The following TNFSF18 variants were observed in gnomAD, a reference collection of about 807,000 sequenced individuals.
TNFSF18 encodes TNF superfamily member 18.
In TNFSF18, 6 loss-of-function variants were observed where a neutral mutation model predicts 9.6. That is an observed-to-expected ratio of 0.63 (90% confidence interval 0.34 to 1.24). The LOEUF (loss-of-function observed/expected upper bound fraction) is 1.24. Ranked by LOEUF, TNFSF18 falls within the 50% of genes most tolerant of loss-of-function variation. The pLI is 0.03. For missense variants in TNFSF18, 210 were observed against 201.0 expected (o/e 1.04, Z -0.27); for synonymous variants, 68 against 71.7 (o/e 0.95, Z 0.26).
chr1:173,046,561 G>A (rs991410912), intron 1 of TNFSF18, among the ~76,000 whole-genome samples: 10 of 151,952 alleles, frequency 6.6e-5, no homozygotes, highest in Non-Finnish European at 1.3e-4. Context: ...CATTCACCAC[G>A]TTATTAAAAT....
At chr1:173,047,976 G>A (rs1467347199) in intron 1 of TNFSF18, among the ~76,000 whole-genome samples, 1 of 151,960 alleles carries the variant, frequency 6.6e-6, no homozygotes. Flanking sequence ...ATAGTAATGG[G>A]GCAAATATTA....
intron 1 of TNFSF18, 145 bp from the exon 2 acceptor site, chr1:173,044,114 C>A (rs1665034218): frequency 2.7e-6 from 2 of 744,572 alleles, no homozygotes; most frequent in Non-Finnish European, 2.3e-6. Flanking sequence ...CATGTCTCAG[C>A]CCTCTCAGCC....
intron 1 of TNFSF18, among the ~76,000 whole-genome samples, chr1:173,046,225 A>G (rs1339389678): frequency 6.6e-6 from 1 of 152,204 alleles, no homozygotes; most frequent in Non-Finnish European, 1.5e-5. Flanking sequence ...TCCATAGTCG[A>G]GCTTTTGTCA....
At chr1:173,050,420 CTTT>C (rs1270255247) in intron 1 of TNFSF18, among the ~76,000 whole-genome samples, 1 of 151,446 alleles carries the variant, frequency 6.6e-6, no homozygotes, top group Non-Finnish European at 1.5e-5. Context: ...ATATTTTTAC[CTTT>C]TTTATTCCAC....
chr1:173,045,124 G>A (rs548875314), intron 1 of TNFSF18, among the ~76,000 whole-genome samples: 5 of 152,282 alleles, frequency 3.3e-5, no homozygotes, highest in Admixed American at 1.3e-4. Context: ...CAAGCAGGCT[G>A]AAATTTAAGG....
Position 173,040,881 on chromosome 1 carries a change from G to C in TNFSF18, c.*486C>G, listed in dbSNP as rs1293568199. On this transcript the variant is annotated 3_prime_UTR_variant, in exon 3 of 3. Transcript: ENST00000404377. ...ATCTTCTAACACCACCATATCTAAA[G>C]TAGGGTATGGTAGGCATATCTGTGG... The C allele has an allele frequency of 1.3e-5, 2 of 152,662 alleles. No homozygotes were observed. Among genetic ancestry groups the C allele is most frequent in the Non-Finnish European group, 2.9e-5 (2 of 68,500 alleles). The allele number at this position is 152,662 out of a possible 1,614,324, so 9.5% of individuals were successfully genotyped here.
In TNFSF18 at chr1:173,040,195, G is replaced by A. The variant is rs1664967467; in HGVS notation, c.*1172C>T. The A allele has an allele frequency of 1.3e-5, 2 of 151,408 alleles. No individual in the cohort carries two copies. Among genetic ancestry groups the A allele is most frequent in the African/African-American group, 4.9e-5 (2 of 41,122 alleles). 9.4% of individuals were successfully genotyped at this position (151,408 alleles called of 1,614,324 possible). ...ATTTGGTTGGGATAAGGCCTGAACA[G>A]CATCCTGGATCTCCCTGATTCAGGC... On this transcript the variant is annotated 3_prime_UTR_variant, in exon 3 of 3. Coordinates refer to ENST00000404377, the MANE Select transcript of TNFSF18 (RefSeq NM_005092.4).
chr1:173,045,384 T>G (rs1395934338), intron 1 of TNFSF18, among the ~76,000 whole-genome samples: 1 of 152,198 alleles, frequency 6.6e-6, no homozygotes, highest in East Asian at 1.9e-4. Flanking sequence ...GGACGAGTGA[T>G]CAGCTGGTGT....
intron 1 of TNFSF18, among the ~76,000 whole-genome samples, chr1:173,045,066 G>A (rs1290720073): frequency 6.6e-6 from 1 of 152,194 alleles, no homozygotes; most frequent in Non-Finnish European, 1.5e-5. Context: ...GAGTTTGGTT[G>A]TGGACATATT....
At chr1:173,043,879 A>C (rs1363007037) in intron 2 of TNFSF18, 60 bp downstream of exon 2, 6 of 1,405,696 alleles carry the variant, frequency 4.3e-6, no homozygotes, top group Non-Finnish European at 6.1e-6. Flanking sequence ...GATCACTGAC[A>C]CCTGCCTTCT....
rs900565270 is a variant in TNFSF18 at position 173,040,493 on chromosome 1, C to T, written c.*874G>A. 1 of 152,146 alleles carries T rather than the reference C, an allele frequency of 6.6e-6. No individual in the cohort carries two copies. The highest frequency in any genetic ancestry group is 1.5e-5 in the Non-Finnish European group (1 of 68,024). 9.4% of individuals were successfully genotyped at this position (152,146 alleles called of 1,614,324 possible). Reference sequence around the variant, plus strand: ...ATCACTAAAATTTTCCCCCAAATGCCTGCCCAATTAACTTCATAGAATTGC... The same window carrying T: ...ATCACTAAAATTTTCCCCCAAATGCTTGCCCAATTAACTTCATAGAATTGC... On this transcript the variant is annotated 3_prime_UTR_variant, in exon 3 of 3. Coordinates refer to ENST00000404377, the MANE Select transcript of TNFSF18 (RefSeq NM_005092.4).
intron 1 of TNFSF18, among the ~76,000 whole-genome samples, chr1:173,050,042 A>G (rs6673681): frequency 0.059 from 8,942 of 152,178 alleles, 327 homozygotes; most frequent in African/African-American, 0.1. Context: ...AACTCAATCT[A>G]AAGTCATTGT....
chr1:173,046,144 T>A (rs1156263138), intron 1 of TNFSF18, among the ~76,000 whole-genome samples: 1 of 152,188 alleles, frequency 6.6e-6, no homozygotes. Flanking sequence ...CAAAAAATTT[T>A]ATGTTTTTCT....
Position 173,041,370 on chromosome 1 carries a change from G to C in TNFSF18, c.531C>G (p.Ser177=). 1 of 1,601,292 alleles carries C rather than the reference G, an allele frequency of 6.2e-7. No homozygotes were observed. The highest frequency in any genetic ancestry group is 8.5e-7 in the Non-Finnish European group (1 of 1,173,082). The change falls in exon 3 of 3, where the codon TCC becomes TCG. Residue 177 remains serine (S), a synonymous_variant. Transcript: ENST00000404377. ...IILLANPQFI[S] ...ATGAGGAGATCAAATCAAGTCTCTA[G>C]GAGATGAATTGGGGATTTGCTAGTA...
At chr1:173,049,190 T>C (rs1484073715) in intron 1 of TNFSF18, among the ~76,000 whole-genome samples, 2 of 152,176 alleles carry the variant, frequency 1.3e-5, no homozygotes, top group Non-Finnish European at 2.9e-5. Flanking sequence ...GACTTTCTCT[T>C]TCCCTTTGCA....
chr1:173,045,499 T>C (rs1183546004), intron 1 of TNFSF18, among the ~76,000 whole-genome samples: 1 of 152,104 alleles, frequency 6.6e-6, no homozygotes, highest in Admixed American at 6.6e-5. Context: ...TTCTGTGATA[T>C]GTGAAGAGGG....
At chr1:173,041,819 T>TAATGATTCGGCGATC in intron 2 of TNFSF18, 106 bp from the exon 3 acceptor site, 1 of 949,792 alleles carries the variant, frequency 1.1e-6, no homozygotes, top group South Asian at 2.2e-5. Flanking sequence ...GTTGTTTCTT[T>TAATGATTCGGCGATC]ACCTGATCTA....
Position 173,041,346 on chromosome 1 carries a change from TGAG to T in TNFSF18, c.*18_*20del. 6.4e-7 allele frequency: 1 copy of T among 1,559,256 alleles called. No individual in the cohort carries two copies. Among genetic ancestry groups the T allele is most frequent in the Middle Eastern group, 1.7e-4 (1 of 5,816 alleles). On this transcript the variant is annotated 3_prime_UTR_variant, in exon 3 of 3. Transcript: ENST00000404377. The stretch of plus-strand genomic sequence containing the variant: ...GCACCTCTACATGTGCTGAAGGGAA[TGAG>T]GAGATCAAATCAAGTCTCTAGGAGA...
At chr1:173,048,031 T>A (rs1230246002) in intron 1 of TNFSF18, among the ~76,000 whole-genome samples, 2 of 152,162 alleles carry the variant, frequency 1.3e-5, no homozygotes, top group Non-Finnish European at 2.9e-5. Context: ...GATACTCTAC[T>A]GTCTCATTAA....
Sources: gnomAD v4.1 joint callset for allele counts (sites outside exome capture counted in the v4.1 genomes callset) on GRCh38, gnomAD v4.1.1 for gene constraint, MANE v1.5 for transcripts, NCBI Gene and HGNC (gene_info 2026-07-23, HGNC 2026-07-21) for gene names.